The following COL8A1 variants were observed in gnomAD, a reference collection of about 807,000 sequenced individuals.
The protein encoded by COL8A1 is collagen alpha-1(VIII) chain.
Under a neutral mutation model 42.7 loss-of-function variants are expected in COL8A1, and 21 were observed. That is an observed-to-expected ratio of 0.49 (90% CI 0.35 to 0.71). COL8A1 has a LOEUF of 0.71. Ranked by LOEUF, COL8A1 falls within the 30% of genes least tolerant of loss-of-function variation. The pLI is 0.01. For synonymous variants in COL8A1, 367 were observed against 369.1 expected (o/e 0.99, Z 0.06); for missense variants, 788 against 962.4 (o/e 0.82, Z 2.40).
At chr3:99,739,912 G>A (rs1940850732) in intron 1 of COL8A1, among the ~76,000 whole-genome samples, 1 of 152,146 alleles carries the variant, frequency 6.6e-6, no homozygotes, top group Non-Finnish European at 1.5e-5. Context: ...GCATCATCAA[G>A]CTGCAAATTT....
At chr3:99,740,264 G>A (rs1208569887) in intron 1 of COL8A1, among the ~76,000 whole-genome samples, 2 of 152,124 alleles carry the variant, frequency 1.3e-5, no homozygotes, top group Non-Finnish European at 2.9e-5. Flanking sequence ...ACCTCTGCCT[G>A]TTTCCCAGTT....
intron 2 of COL8A1, among the ~76,000 whole-genome samples, chr3:99,762,983 A>G (rs1321726938): frequency 6.6e-6 from 1 of 152,184 alleles, no homozygotes; most frequent in East Asian, 1.9e-4. Flanking sequence ...CACGCTTTTC[A>G]TTCATACCTT....
chr3:99,700,375 A>G (rs781577641), intron 1 of COL8A1, among the ~76,000 whole-genome samples: 3 of 151,792 alleles, frequency 2.0e-5, no homozygotes, highest in Non-Finnish European at 4.4e-5. Context: ...AAAAGGGACA[A>G]GCACAGACAG....
At chr3:99,648,242 C>G (rs917660965) in intron 1 of COL8A1, among the ~76,000 whole-genome samples, 2 of 152,160 alleles carry the variant, frequency 1.3e-5, no homozygotes, top group East Asian at 3.9e-4. Flanking sequence ...GCAGGTTCTT[C>G]TATCCAGGTC....
chr3:99,663,537 GCTGTGGTAAGCT>G lies in COL8A1; in HGVS notation c.-129+24876_-129+24887del, dbSNP rs542051560. Among the ~76,000 whole-genome samples, 433 of 151,940 alleles carry G rather than the reference GCTGTGGTAAGCT, an allele frequency of 2.8e-3. 1 individual carries two copies. Among genetic ancestry groups the G allele is most frequent in the African/African-American group, 9.0e-3 (373 of 41,398 alleles). On this transcript the variant is annotated intron_variant, in intron 1 of 3. Transcript: ENST00000652472. ...TGGCAGTGTTTTGTTTTGTCTTTTC[GCTGTGGTAAGCT>G]CTATAAATTTACCAAATTCCAATGC...
Position 99,794,530 on chromosome 3 carries a change from C to T in COL8A1, c.629C>T (p.Pro210Leu), listed in dbSNP as rs1559638359. 1 of 1,613,972 alleles carries T rather than the reference C, an allele frequency of 6.2e-7. No individual in the cohort carries two copies. The highest frequency in any genetic ancestry group is 8.5e-7 in the Non-Finnish European group (1 of 1,179,906). Residue 210 changes from proline (P) to leucine (L), a missense_variant, in exon 4 of 4, where the codon CCA (proline) becomes CTA (leucine). Physicochemically the swap from Pro to Leu is moderately conservative, Grantham distance 98. Coordinates refer to ENST00000652472, the MANE Select transcript of COL8A1 (RefSeq NM_020351.4). This position sits in a 1 kb window ranked among gnomAD's most constrained non-coding sequence, Gnocchi z 4.3. ...GPHGLPGIGKPGGPGLPGQPG... is the reference protein window; with the variant it reads ...GPHGLPGIGKLGGPGLPGQPG... ...CATGGACTTCCTGGCATTGGGAAGC[C>T]AGGTGGGCCAGGGTTACCAGGGCAA...
intron 1 of COL8A1, among the ~76,000 whole-genome samples, chr3:99,682,676 T>A (rs577798142): frequency 2.6e-5 from 4 of 151,724 alleles, no homozygotes; most frequent in Admixed American, 6.6e-5. Flanking sequence ...ATAGAACATA[T>A]AAGCTCTCAC....
At chr3:99,694,078 G>A (rs1056322124) in intron 1 of COL8A1, among the ~76,000 whole-genome samples, 9 of 152,182 alleles carry the variant, frequency 5.9e-5, no homozygotes, top group Non-Finnish European at 1.0e-4. Flanking sequence ...TAGGCTCTAC[G>A]ATCTAGGCTT....
chr3:99,647,233 C>A (rs1026069393), intron 1 of COL8A1, among the ~76,000 whole-genome samples: 1 of 152,124 alleles, frequency 6.6e-6, no homozygotes, highest in Non-Finnish European at 1.5e-5. Flanking sequence ...TGATATTCTA[C>A]GGAACAGCTT....
intron 1 of COL8A1, chr3:99,703,637 A>C (rs1199614850): frequency 6.6e-6 from 1 of 152,238 alleles, no homozygotes; most frequent in Non-Finnish European, 1.5e-5. Context: ...AGGCAGCAAT[A>C]TCGGAGTTAT....
At chr3:99,737,239 G>A (rs1940751304) in intron 1 of COL8A1, among the ~76,000 whole-genome samples, 1 of 151,894 alleles carries the variant, frequency 6.6e-6, no homozygotes, top group Non-Finnish European at 1.5e-5. Context: ...TACATTTAAA[G>A]TTAATAATAT....
intron 1 of COL8A1, among the ~76,000 whole-genome samples, chr3:99,692,081 T>G (rs1191784601): frequency 1.3e-5 from 2 of 152,076 alleles, no homozygotes; most frequent in Admixed American, 6.6e-5. Context: ...GCCTCAATAC[T>G]TGGGCCAGAT....
chr3:99,670,549 A>T (rs922040361), intron 1 of COL8A1, among the ~76,000 whole-genome samples: 1 of 152,094 alleles, frequency 6.6e-6, no homozygotes, highest in East Asian at 1.9e-4. Context: ...TGATATATGT[A>T]TACAGTGTGG....
intron 1 of COL8A1, among the ~76,000 whole-genome samples, chr3:99,647,905 T>C (rs1937700098): frequency 6.6e-6 from 1 of 152,196 alleles, no homozygotes; most frequent in South Asian, 2.1e-4. Flanking sequence ...GACATTACTC[T>C]GGGAATTATC....
chr3:99,732,090 CCAGACTT>C (rs1468058366), intron 1 of COL8A1, among the ~76,000 whole-genome samples: 5 of 152,046 alleles, frequency 3.3e-5, no homozygotes, highest in African/African-American at 9.7e-5. Context: ...CTTCCAGACT[CCAGACTT>C]CAGACTTGGA....
At chr3:99,707,348 C>T (rs950292659) in intron 1 of COL8A1, among the ~76,000 whole-genome samples, 2 of 152,236 alleles carry the variant, frequency 1.3e-5, no homozygotes, top group Non-Finnish European at 2.9e-5. Context: ...ACCAGGCTCT[C>T]AAGCCCTCAG....
intron 1 of COL8A1, among the ~76,000 whole-genome samples, chr3:99,734,656 C>T (rs937850344): frequency 3.3e-4 from 50 of 151,956 alleles, no homozygotes; most frequent in Non-Finnish European, 4.7e-4. Context: ...TCCATATGAA[C>T]TTTAAAGTAG....
At chr3:99,688,244 A>G (rs1342769430) in intron 1 of COL8A1, among the ~76,000 whole-genome samples, 3 of 152,242 alleles carry the variant, frequency 2.0e-5, no homozygotes, top group South Asian at 4.1e-4. Context: ...CAAATTTAGT[A>G]TCTTACCATT....
intron 2 of COL8A1, among the ~76,000 whole-genome samples, chr3:99,783,457 T>C (rs142406932): frequency 2.6e-5 from 4 of 152,350 alleles, no homozygotes; most frequent in East Asian, 1.9e-4. Flanking sequence ...AATGAGCAGA[T>C]TGACCAAAAC....
Sources: allele counts gnomAD v4.1 joint callset (sites outside exome capture counted in the v4.1 genomes callset), GRCh38; gene constraint gnomAD v4.1.1; non-coding constraint Gnocchi (gnomAD v3.1); transcripts MANE v1.5; gene names NCBI Gene and HGNC (gene_info 2026-07-23, HGNC 2026-07-21).